Variants in RALY observed in about 807,000 individuals in gnomAD.
RALY encodes the protein RALY heterogeneous nuclear ribonucleoprotein.
Under a neutral mutation model 30.7 loss-of-function variants are expected in RALY, and 15 were observed. The observed-to-expected ratio is 0.49, with a 90% CI of 0.33 to 0.75. RALY has a LOEUF of 0.75. RALY is among the 30% of genes least tolerant of loss of function. RALY has a pLI of 0.02. For synonymous variants in RALY, 177 were observed against 170.8 expected, an observed-to-expected ratio of 1.04 and a Z score of -0.28; for missense variants, 339 against 414.3, an observed-to-expected ratio of 0.82 and a Z score of 1.58.
intron 1 of RALY, among the ~76,000 whole-genome samples, chr20:34,029,330 A>C (rs1568665313): frequency 6.6e-6 from 1 of 152,000 alleles, no homozygotes; most frequent in Non-Finnish European, 1.5e-5. Context: ...GCAGCTACTC[A>C]GGAGACTGAG....
Position 34,081,836 on chromosome 20 carries a change from C to G in RALY, c.*1931C>G, listed in dbSNP as rs2034035056. 1 of 152,358 alleles carries G rather than the reference C, an allele frequency of 6.6e-6. No individual in the cohort carries two copies. The highest frequency in any genetic ancestry group is 6.5e-5 in the Admixed American group (1 of 15,296). The allele number at this position is 152,358 out of a possible 1,614,324, so 9.4% of individuals were successfully genotyped here. A position where few individuals can be genotyped will look rare whatever the true frequency, so the allele number is the denominator to read the frequency against. The stretch of plus-strand genomic sequence containing the variant: ...TGGCTTCATACCTGAGCCAAAAGCC[C>G]CAATCCATGCTTGGCCATTGCCTGA... On this transcript the variant is annotated 3_prime_UTR_variant, in exon 10 of 10. Transcript: ENST00000246194.
At chr20:34,066,633 C>T (rs2033580705) in intron 2 of RALY, among the ~76,000 whole-genome samples, 2 of 151,888 alleles carry the variant, frequency 1.3e-5, no homozygotes, top group Non-Finnish European at 2.9e-5. Flanking sequence ...TCAAAGGATC[C>T]TCCCATCTTG....
intron 1 of RALY, among the ~76,000 whole-genome samples, chr20:34,003,634 G>GTTTTTTTTTT (rs775178178): frequency 3.5e-5 from 4 of 112,962 alleles, no homozygotes; most frequent in African/African-American, 1.2e-4. Context: ...ATGCCAAACA[G>GTTTTTTTTTT]TTTTTTTTTT....
chr20:34,033,064 C>T (rs1397693497), intron 2 of RALY: 3 of 152,222 alleles, frequency 2.0e-5, no homozygotes, highest in Non-Finnish European at 4.4e-5. Context: ...CATGGGATCT[C>T]ATAAACACTT....
At chr20:34,018,824 G>C (rs540648105) in intron 1 of RALY, among the ~76,000 whole-genome samples, 1 of 152,174 alleles carries the variant, frequency 6.6e-6, no homozygotes, top group Non-Finnish European at 1.5e-5. Flanking sequence ...AGCTCCTAAT[G>C]ATCCTTACTA....
At chr20:34,034,307 A>C (rs2032395515) in intron 2 of RALY, among the ~76,000 whole-genome samples, 1 of 152,154 alleles carries the variant, frequency 6.6e-6, no homozygotes, top group South Asian at 2.1e-4. Context: ...TTAACAATGG[A>C]CATTCTGTTC....
At chr20:34,058,091 G>A (rs1244850639) in intron 2 of RALY, among the ~76,000 whole-genome samples, 1 of 152,066 alleles carries the variant, frequency 6.6e-6, no homozygotes, top group Non-Finnish European at 1.5e-5. Flanking sequence ...TGAGGGGAAG[G>A]GGGCCGGGAA....
chr20:33,995,925 T>A (rs1422574425), intron 1 of RALY, among the ~76,000 whole-genome samples: 2 of 152,206 alleles, frequency 1.3e-5, no homozygotes, highest in African/African-American at 4.8e-5. Context: ...AGGTCAGGAA[T>A]CCTGAGTAAT....
chr20:34,037,312 G>A (rs1041889174), intron 2 of RALY, among the ~76,000 whole-genome samples: 1 of 152,184 alleles, frequency 6.6e-6, no homozygotes, highest in African/African-American at 2.4e-5. Flanking sequence ...GACATACGGG[G>A]GTGGTGTAGC....
At chr20:34,013,072 A>G (rs1017214119) in intron 1 of RALY, among the ~76,000 whole-genome samples, 5 of 152,182 alleles carry the variant, frequency 3.3e-5, no homozygotes, top group Admixed American at 1.3e-4. Context: ...ACTGTATTAT[A>G]AAATAGGCTT....
chr20:33,998,761 AG>A (rs1297058229), intron 1 of RALY, among the ~76,000 whole-genome samples: 3 of 152,254 alleles, frequency 2.0e-5, no homozygotes, highest in African/African-American at 7.2e-5. Context: ...GAGACCAGTT[AG>A]GAGGTTGGCA....
intron 2 of RALY, among the ~76,000 whole-genome samples, chr20:34,035,460 C>T (rs988136244): frequency 2.0e-5 from 3 of 152,010 alleles, no homozygotes; most frequent in Admixed American, 1.3e-4. Flanking sequence ...TAGAGAGGGA[C>T]GTGTAGGCAG....
In RALY at chr20:34,077,040, A is replaced by C; in HGVS notation, c.671A>C (p.Lys224Thr). The change falls in exon 8 of 10, where the codon AAG becomes ACG. Residue 224 changes from lysine to threonine, a missense_variant. Around this residue, in one of 2 missense-constraint regions of RALY, gnomAD observed 268 missense variants for 280.6 expected, o/e 0.95. Coordinates refer to ENST00000246194, the MANE Select transcript of RALY (RefSeq NM_016732.3). ...CCTTCCCCTCAAGATGGCAAGAAGA[A>C]GGGTGATGGAGGTGGCGCCGGCGGC... ...EQKANPDGKKKGDGGGAGGGG... is the reference protein window; with the variant it reads ...EQKANPDGKKTGDGGGAGGGG... 6.2e-7 allele frequency: 1 copy of C among 1,600,628 alleles called. No individual in the cohort carries two copies. Among genetic ancestry groups the C allele is most frequent in the African/African-American group, 1.4e-5 (1 of 71,122 alleles).
At chr20:34,061,437 G>C (rs989618642) in intron 2 of RALY, among the ~76,000 whole-genome samples, 71 of 152,322 alleles carry the variant, frequency 4.7e-4, no homozygotes, top group Non-Finnish European at 2.2e-4. Context: ...TGTTTTCTTT[G>C]CTTTGGTTTC....
chr20:34,062,266 T>C (rs1331091155), intron 2 of RALY, among the ~76,000 whole-genome samples: 4 of 152,208 alleles, frequency 2.6e-5, no homozygotes, highest in African/African-American at 4.8e-5. Flanking sequence ...CTCTCTACTT[T>C]CTCTGAACAT....
intron 1 of RALY, among the ~76,000 whole-genome samples, chr20:34,016,977 G>A (rs372514989): frequency 1.4e-4 from 19 of 133,516 alleles, no homozygotes; most frequent in Non-Finnish European, 3.1e-4. Context: ...AATGATTACC[G>A]TGAAATGGAT....
intron 2 of RALY, among the ~76,000 whole-genome samples, chr20:34,053,518 C>T (rs182641887): frequency 1.5e-3 from 227 of 150,958 alleles, no homozygotes; most frequent in Non-Finnish European, 2.4e-3. Context: ...CCACCTCAGC[C>T]TCCCAAGTAA....
At chr20:34,010,150 G>T (rs372698910) in intron 1 of RALY, among the ~76,000 whole-genome samples, 26 of 152,254 alleles carry the variant, frequency 1.7e-4, no homozygotes, top group African/African-American at 5.5e-4. Context: ...TATTTGTAAG[G>T]TAGAGTGGAA....
intron 1 of RALY, among the ~76,000 whole-genome samples, chr20:34,031,195 C>T (rs1284341401): frequency 6.6e-6 from 1 of 150,586 alleles, no homozygotes; most frequent in Non-Finnish European, 1.5e-5. Flanking sequence ...CAGGCGCCCA[C>T]CACCATGCCT....
Sources: allele counts gnomAD v4.1 joint callset (sites outside exome capture counted in the v4.1 genomes callset), GRCh38; gene constraint gnomAD v4.1.1; regional missense constraint gnomAD v4.1.1; transcripts MANE v1.5; gene names NCBI Gene and HGNC (gene_info 2026-07-23, HGNC 2026-07-21).